The following TRMT11 variants were observed in gnomAD, a reference collection of about 807,000 sequenced individuals.
TRMT11 encodes tRNA methyltransferase 11, also known as tRNA (guanine(10)-N(2))-methyltransferase TRMT11.
In TRMT11, 53 loss-of-function variants were observed where a neutral mutation model predicts 62.8. That is an observed-to-expected ratio of 0.84 (90% confidence interval 0.68 to 1.06). TRMT11 has a LOEUF of 1.06. Among genes scored for constraint, TRMT11 ranks in the 50% least tolerant of loss-of-function variants. The probability of loss-of-function intolerance (pLI) is 0.00; values close to 1 mark genes in which losing one functional copy is unlikely to be tolerated. For missense variants in TRMT11, 556 were observed against 553.4 expected (o/e 1.00, Z -0.05); for synonymous variants, 188 against 190.3 (o/e 0.99, Z 0.10).
At chr6:126,069,730 ACAT>A (rs753198649) in intron 17 of TRMT11, among the ~76,000 whole-genome samples, 30 of 152,202 alleles carry the variant, frequency 2.0e-4, no homozygotes, top group Non-Finnish European at 4.1e-4. Context: ...GCCTTCAGAG[ACAT>A]CATCTTCTCT....
intron 12 of TRMT11, among the ~76,000 whole-genome samples, chr6:126,034,519 AG>A (rs1215035664): frequency 4.6e-5 from 7 of 152,180 alleles, no homozygotes; most frequent in Non-Finnish European, 8.8e-5. Flanking sequence ...AAATGATAAT[AG>A]TATAGTCAAT....
chr6:126,093,631 A>ATATATATTTTTTTTTT (rs1554236842), intron 17 of TRMT11, among the ~76,000 whole-genome samples: 6 of 98,014 alleles, frequency 6.1e-5, no homozygotes, highest in African/African-American at 2.2e-4. Context: ...ATATATATAT[A>ATATATATTTTTTTTTT]TTTTCCCCCA....
intron 17 of TRMT11, among the ~76,000 whole-genome samples, chr6:126,074,461 CTAA>C (rs1776952246): frequency 6.6e-6 from 1 of 152,038 alleles, no homozygotes; most frequent in East Asian, 1.9e-4. Context: ...GTGGAAATAT[CTAA>C]GCTCAAATAT....
chr6:126,066,767 G>A (rs1776704073), intron 17 of TRMT11, among the ~76,000 whole-genome samples: 1 of 152,038 alleles, frequency 6.6e-6, no homozygotes, highest in Admixed American at 6.5e-5. Flanking sequence ...CAGGGCAGTG[G>A]ACAAGTCACA....
chr6:126,015,975 T>C (rs1214935579), intron 11 of TRMT11, among the ~76,000 whole-genome samples: 2 of 152,224 alleles, frequency 1.3e-5, no homozygotes, highest in Non-Finnish European at 2.9e-5. Flanking sequence ...CTCCTGGTAA[T>C]GTTAACTTTG....
chr6:126,250,033 G>A, the TRMT11 span, among the ~76,000 whole-genome samples: 1 of 152,114 alleles, frequency 6.6e-6, no homozygotes, highest in Non-Finnish European at 1.5e-5. Flanking sequence ...GTGAGCAAAG[G>A]ACTTTGTTAC....
At chr6:126,195,948 C>T (rs1778661316) in intron 1 of TRMT11, among the ~76,000 whole-genome samples, 1 of 152,128 alleles carries the variant, frequency 6.6e-6, no homozygotes, top group South Asian at 2.1e-4. Context: ...ATGAGGGCTG[C>T]TGGGCTAGCT....
intron 17 of TRMT11, among the ~76,000 whole-genome samples, chr6:126,102,007 C>T (rs535911583): frequency 6.6e-6 from 1 of 152,298 alleles, no homozygotes; most frequent in East Asian, 1.9e-4. Flanking sequence ...CTCACATATG[C>T]CTCATGTTTA....
chr6:126,171,749 G>A (rs146667951), intron 21 of TRMT11, among the ~76,000 whole-genome samples: 155 of 152,122 alleles, frequency 1.0e-3, no homozygotes, highest in Non-Finnish European at 1.6e-3. Flanking sequence ...AGAGAGTTTC[G>A]CTCTTGTCGC....
chr6:126,044,051 T>G (rs1313025472), downstream of TRMT11, among the ~76,000 whole-genome samples: 1 of 151,524 alleles, frequency 6.6e-6, no homozygotes, highest in Non-Finnish European at 1.5e-5. Context: ...AGAAGCTCTT[T>G]AGTTTAATTA....
chr6:126,066,731 G>C (rs568922071), intron 17 of TRMT11, among the ~76,000 whole-genome samples: 1 of 152,054 alleles, frequency 6.6e-6, no homozygotes, highest in Non-Finnish European at 1.5e-5. Flanking sequence ...TAAGCCCTAG[G>C]TGAATTGTTA....
At chr6:126,196,497 T>G (rs998753109) in intron 1 of TRMT11, among the ~76,000 whole-genome samples, 2 of 152,048 alleles carry the variant, frequency 1.3e-5, no homozygotes, top group Non-Finnish European at 2.9e-5. Flanking sequence ...TTAATAATTT[T>G]TAATAATTTA....
At chr6:126,216,389 A>G in the TRMT11 span, among the ~76,000 whole-genome samples, 2 of 152,086 alleles carry the variant, frequency 1.3e-5, no homozygotes, top group Non-Finnish European at 2.9e-5. Flanking sequence ...TTGCTGCGTC[A>G]TAGGTTCTGG....
chr6:126,066,612 T>C (rs146526247), intron 17 of TRMT11, among the ~76,000 whole-genome samples: 1 of 152,228 alleles, frequency 6.6e-6, no homozygotes, highest in African/African-American at 2.4e-5. Flanking sequence ...CCACTGGGGG[T>C]TGGGGTTTTA....
chr6:126,061,027 G>A (rs1776521305), intron 17 of TRMT11, among the ~76,000 whole-genome samples: 1 of 152,332 alleles, frequency 6.6e-6, no homozygotes, highest in South Asian at 2.1e-4. Flanking sequence ...CTAGGAACTG[G>A]AAGTGCTGGT....
At chr6:126,222,032 T>A in the TRMT11 span, among the ~76,000 whole-genome samples, 1 of 152,246 alleles carries the variant, frequency 6.6e-6, no homozygotes, top group Admixed American at 6.5e-5. Flanking sequence ...TGCATATGGC[T>A]AGCCAGTTAT....
intron 12 of TRMT11, among the ~76,000 whole-genome samples, chr6:126,028,223 G>A (rs374175760): frequency 3.2e-4 from 49 of 152,076 alleles, no homozygotes; most frequent in African/African-American, 1.2e-3. Context: ...AGGTATAAAA[G>A]ATTAGAGATT....
the TRMT11 span, among the ~76,000 whole-genome samples, chr6:126,235,593 G>A: frequency 6.6e-6 from 1 of 152,138 alleles, no homozygotes; most frequent in Non-Finnish European, 1.5e-5. Context: ...GCAAACTAAA[G>A]CAGGAACAGA....
chr6:126,195,437 G>T (rs144787591), intron 1 of TRMT11, among the ~76,000 whole-genome samples: 1 of 152,028 alleles, frequency 6.6e-6, no homozygotes, highest in Admixed American at 6.6e-5. Flanking sequence ...TAATCATCTT[G>T]TGTTTATTAT....
Sources: gnomAD v4.1 joint callset for allele counts (sites outside exome capture counted in the v4.1 genomes callset) on GRCh38, gnomAD v4.1.1 for gene constraint, MANE v1.5 for transcripts, NCBI Gene and HGNC (gene_info 2026-07-23, HGNC 2026-07-21) for gene names.